CNTNAP3B: variants seen among roughly 807,000 people sequenced by gnomAD.
The protein encoded by CNTNAP3B is contactin associated protein family member 3B, also known as contactin-associated protein-like 3B.
CNTNAP3B carries 25 observed loss-of-function variants against 108.9 expected under a neutral mutation model. The ratio of observed to expected loss-of-function variants is 0.23; its 90% CI spans 0.17 to 0.32. The LOEUF (loss-of-function observed/expected upper bound fraction) is 0.32. Among genes scored for constraint, CNTNAP3B ranks in the 10% least tolerant of loss-of-function variants. CNTNAP3B has a pLI of 1.00. For synonymous variants in CNTNAP3B, 103 were observed against 473.4 expected, an observed-to-expected ratio of 0.22 and a Z score of 10.16; for missense variants, 252 against 1,210.4, an observed-to-expected ratio of 0.21 and a Z score of 11.75.
intron 1 of CNTNAP3B, among the ~76,000 whole-genome samples, chr9:42,113,454 G>A (rs1828238307): frequency 7.2e-6 from 1 of 139,232 alleles, no homozygotes; most frequent in South Asian, 2.3e-4. Flanking sequence ...CTATTTTTTT[G>A]AGACTTACTG....
At chr9:41,949,675 CAGAG>C (rs1263640474) in intron 13 of CNTNAP3B, among the ~76,000 whole-genome samples, 4 of 151,830 alleles carry the variant, frequency 2.6e-5, no homozygotes, top group Admixed American at 1.3e-4. Flanking sequence ...CATTCATAGT[CAGAG>C]AGAGTGAGAG....
At chr9:42,110,386 GA>G (rs2118712457) in intron 1 of CNTNAP3B, among the ~76,000 whole-genome samples, 1 of 137,460 alleles carries the variant, frequency 7.3e-6, no homozygotes, top group Admixed American at 7.3e-5. Flanking sequence ...GATGGAAGGA[GA>G]GGGGAAGGGG....
chr9:42,114,801 G>T lies in CNTNAP3B; in HGVS notation c.86-10062C>A, dbSNP rs188547840. Among the ~76,000 whole-genome samples the T allele has an allele frequency of 5.1e-5, 7 of 138,192 alleles. 2 individuals are homozygous for T. The East Asian group carries it at 1.3e-3, about 26-fold the overall frequency. 90.7% of individuals were successfully genotyped at this position (138,192 alleles called of 152,430 possible). On this transcript the variant is annotated intron_variant, in intron 1 of 23. Transcript: ENST00000377561. ...AGTAACCAAGGAAAGAATATTTACA[G>T]TGAGACTGGGCGCAGTGGTCAAGAT... is the stretch of plus-strand genomic sequence containing the variant.
At chr9:41,954,594 C>T (rs556212733) in intron 12 of CNTNAP3B, among the ~76,000 whole-genome samples, 2 of 152,272 alleles carry the variant, frequency 1.3e-5, no homozygotes, top group East Asian at 1.9e-4. Flanking sequence ...CTGTACTCAC[C>T]AAAGGAGGCT....
intron 3 of CNTNAP3B, among the ~76,000 whole-genome samples, chr9:42,058,284 C>A (rs1429178703): frequency 6.6e-6 from 1 of 152,348 alleles, no homozygotes; most frequent in East Asian, 1.9e-4. Context: ...TTTGAGGAAA[C>A]TCCCCACTGC....
At chr9:42,035,596 G>A (rs1826608137) in intron 3 of CNTNAP3B, among the ~76,000 whole-genome samples, 1 of 148,598 alleles carries the variant, frequency 6.7e-6, no homozygotes, top group African/African-American at 2.5e-5. Context: ...GATGGTGTGA[G>A]GAACAGTGCC....
At chr9:42,033,106 A>G (rs532673116) in intron 3 of CNTNAP3B, among the ~76,000 whole-genome samples, 1 of 137,592 alleles carries the variant, frequency 7.3e-6, no homozygotes, top group South Asian at 2.3e-4. Context: ...ACAAAAACTA[A>G]GTACTGTGTC....
intron 15 of CNTNAP3B, among the ~76,000 whole-genome samples, chr9:41,924,359 A>G: frequency 6.6e-6 from 1 of 152,306 alleles, no homozygotes; most frequent in African/African-American, 2.4e-5. Flanking sequence ...TCGCGCAGCA[A>G]CACAGTAGGG....
chr9:42,115,023 C>T (rs1828281579), intron 1 of CNTNAP3B, among the ~76,000 whole-genome samples: 1 of 136,102 alleles, frequency 7.3e-6, no homozygotes, highest in Non-Finnish European at 1.6e-5. Flanking sequence ...CACTGCTCTC[C>T]AGCCTAGGTG....
chr9:41,921,289 G>T (rs1278432057), intron 17 of CNTNAP3B, among the ~76,000 whole-genome samples: 2 of 152,258 alleles, frequency 1.3e-5, no homozygotes, highest in Non-Finnish European at 2.9e-5. Flanking sequence ...TGACCCCTCC[G>T]TGTAGTCCTC....
chr9:41,968,501 T>C (rs1825348743), intron 10 of CNTNAP3B, among the ~76,000 whole-genome samples: 1 of 141,902 alleles, frequency 7.0e-6, no homozygotes, highest in East Asian at 2.0e-4. Flanking sequence ...TGAGAGGTAC[T>C]TGACAAATTC....
At chr9:41,939,365 C>A (rs1233244266) in intron 13 of CNTNAP3B, among the ~76,000 whole-genome samples, 56 of 152,324 alleles carry the variant, frequency 3.7e-4, no homozygotes, top group African/African-American at 1.3e-3. Flanking sequence ...AGGTTGTTAC[C>A]ATTGGAATAT....
At position 42,075,003 on chromosome 9, in the gene CNTNAP3B, C is replaced by A. The variant is rs552257254; in HGVS notation, c.390+1866G>T. Among the ~76,000 whole-genome samples, 11 of 146,582 alleles carry A rather than the reference C, an allele frequency of 7.5e-5. 1 individual carries two copies. Among genetic ancestry groups the A allele is most frequent in the Admixed American group, 6.1e-4 (9 of 14,796 alleles). ...AGGTGTCTGCCGGCCGTGCTGCCTCCGGAGGCTCTAGGGAGGGATCTGTTC... is the reference window on the plus strand; with the variant it reads ...AGGTGTCTGCCGGCCGTGCTGCCTCAGGAGGCTCTAGGGAGGGATCTGTTC... On this transcript the variant is annotated intron_variant, in intron 3 of 23. Coordinates refer to ENST00000377561, the MANE Select transcript of CNTNAP3B (RefSeq NM_001201380.3).
intron 3 of CNTNAP3B, among the ~76,000 whole-genome samples, chr9:42,024,661 AG>A (rs1437391080): frequency 9.2e-6 from 1 of 108,262 alleles, no homozygotes; most frequent in African/African-American, 3.3e-5. Context: ...ACATGGCTCC[AG>A]GGTTCACAAA....
intron 10 of CNTNAP3B, among the ~76,000 whole-genome samples, chr9:41,964,956 A>C (rs1329014029): frequency 2.0e-5 from 3 of 152,260 alleles, no homozygotes; most frequent in Non-Finnish European, 2.9e-5. Context: ...AAACTATGAA[A>C]TATGGCATGC....
At chr9:42,103,638 G>A (rs1174372472) in intron 2 of CNTNAP3B, among the ~76,000 whole-genome samples, 1 of 100,838 alleles carries the variant, frequency 9.9e-6, no homozygotes, top group Non-Finnish European at 2.1e-5. Context: ...GGGAGGCTGA[G>A]GCAGGAGAAT....
At position 42,121,979 on chromosome 9, in the gene CNTNAP3B, C is replaced by T. The variant is rs184250728; in HGVS notation, c.85+7031G>A. 3.3e-4 allele frequency among the ~76,000 whole-genome samples: 46 copies of T among 139,762 alleles called. 8 individuals are homozygous for T. The highest frequency in any genetic ancestry group is 1.2e-3 in the African/African-American group (43 of 35,440). The allele number at this position is 139,762 out of a possible 152,430, so 91.7% of individuals were successfully genotyped here. On this transcript the variant is annotated intron_variant, in intron 1 of 23. Coordinates refer to ENST00000377561, the MANE Select transcript of CNTNAP3B (RefSeq NM_001201380.3). ...GCATCAGCATATTTGCATCAATTTCCTTGCCTCCAAGTCCTCTGGGGGAAT... is the reference window on the plus strand; with the variant it reads ...GCATCAGCATATTTGCATCAATTTCTTTGCCTCCAAGTCCTCTGGGGGAAT...
rs1433952584 is a variant in CNTNAP3B, at chr9:42,113,387, C to G, written c.86-8648G>C. Among the ~76,000 whole-genome samples, 11 of 139,234 alleles carry G rather than the reference C, an allele frequency of 7.9e-5. 2 individuals carry two copies. The highest frequency in any genetic ancestry group is 3.6e-4 in the Admixed American group (5 of 14,002). The allele number at this position is 139,234 out of a possible 152,430, so 91.3% of individuals were successfully genotyped here. A position where few individuals can be genotyped will look rare whatever the true frequency, so the allele number is the denominator to read the frequency against. On this transcript the variant is annotated intron_variant, in intron 1 of 23. Coordinates refer to ENST00000377561, the MANE Select transcript of CNTNAP3B (RefSeq NM_001201380.3). ...TTATACTTCTGTGATAAATTCAATA[C>G]CTATTTTTAAACTATAGATTTTTGG...
In CNTNAP3B at chr9:42,047,390, G is replaced by T. The variant is rs1430371314; in HGVS notation, c.390+29479C>A. ...TGGTTACTAAAGCTAAAATCAGGAGGAAAAAAGCAGAAAGCAAAACCAAAG... is the reference window on the plus strand; with the variant it reads ...TGGTTACTAAAGCTAAAATCAGGAGTAAAAAAGCAGAAAGCAAAACCAAAG... On this transcript the variant is annotated intron_variant, in intron 3 of 23. Coordinates refer to ENST00000377561, the MANE Select transcript of CNTNAP3B (RefSeq NM_001201380.3). Among the ~76,000 whole-genome samples, 9 of 132,966 alleles carry T rather than the reference G, an allele frequency of 6.8e-5. 1 individual carries two copies. The highest frequency in any genetic ancestry group is 7.9e-5 in the Non-Finnish European group (5 of 63,072). 87.2% of individuals were successfully genotyped at this position (132,966 alleles called of 152,430 possible). A position where few individuals can be genotyped will look rare whatever the true frequency, so the allele number is the denominator to read the frequency against.
Sources: allele counts gnomAD v4.1 joint callset (sites outside exome capture counted in the v4.1 genomes callset), GRCh38; gene constraint gnomAD v4.1.1; transcripts MANE v1.5; gene names NCBI Gene and HGNC (gene_info 2026-07-23, HGNC 2026-07-21).